The following VPS52 variants were observed in gnomAD, a reference collection of about 807,000 sequenced individuals.
VPS52 encodes the protein VPS52 subunit of GARP complex.
VPS52 carries 56 observed loss-of-function variants against 98.7 expected under a neutral mutation model. The ratio of observed to expected loss-of-function variants is 0.57; its 90% confidence interval spans 0.46 to 0.71. VPS52 has a LOEUF of 0.71. VPS52 is among the 30% of genes least tolerant of loss of function. The pLI is 0.00. For synonymous variants in VPS52, 348 were observed against 346.4 expected (o/e 1.00, Z -0.05); for missense variants, 742 against 925.9 (o/e 0.80, Z 2.58).
At position 33,271,748 on chromosome 6, in the gene VPS52, A is replaced by T; in HGVS notation, c.-73T>A. 1 of 1,522,046 alleles carries T rather than the reference A, an allele frequency of 6.6e-7. No individual in the cohort carries two copies. The highest frequency in any genetic ancestry group is 8.8e-7 in the Non-Finnish European group (1 of 1,132,832). The allele number at this position is 1,522,046 out of a possible 1,614,324, so 94.3% of individuals were successfully genotyped here. A position where few individuals can be genotyped will look rare whatever the true frequency, so the allele number is the denominator to read the frequency against. ...CCCCGGAGTGGAGCTACAAGTCCCA[A>T]AGGGTCTTCCTCAGCGCGAAATCGT... On this transcript the variant is annotated 5_prime_UTR_variant, in exon 1 of 20. It adds an upstream start codon to the 5' untranslated region. Transcript: ENST00000445902.
At chr6:33,253,635 G>C (rs1445410848) in intron 17 of VPS52, among the ~76,000 whole-genome samples, 1 of 151,492 alleles carries the variant, frequency 6.6e-6, no homozygotes, top group Non-Finnish European at 1.5e-5. Flanking sequence ...CACACCTGTA[G>C]TCCCAGTTAC....
At position 33,268,439 on chromosome 6, in the gene VPS52, G is replaced by A. The variant is rs1277553703; in HGVS notation, c.699+60C>T. 5 of 1,537,224 alleles carry A rather than the reference G, an allele frequency of 3.3e-6. No individual in the cohort carries two copies. Among genetic ancestry groups the A allele is most frequent in the Non-Finnish European group, 4.4e-6 (5 of 1,140,154 alleles). ...GTGAGCTCTGCCAAGGAAATCCATA[G>A]TGAAGATCTTGGGAAGGCTGCTTCC... On this transcript the variant is annotated intron_variant, in intron 7 of 19. Coordinates refer to ENST00000445902, the MANE Select transcript of VPS52 (RefSeq NM_022553.6). The surrounding 1 kb of genome is among the most constrained non-coding windows in gnomAD (Gnocchi z 4.0).
chr6:33,266,436 G>T, intron 12 of VPS52, 121 bp downstream of exon 12: 1 of 1,334,734 alleles, frequency 7.5e-7, no homozygotes, highest in South Asian at 1.7e-5. Flanking sequence ...CCCAGCCAAG[G>T]CTTAGACATT....
Position 33,250,817 on chromosome 6 carries a change from G to T in VPS52, c.*24C>A. 6.2e-7 allele frequency: 1 copy of T among 1,604,094 alleles called. No individual in the cohort carries two copies. The highest frequency in any genetic ancestry group is 8.5e-7 in the Non-Finnish European group (1 of 1,173,178). On this transcript the variant is annotated 3_prime_UTR_variant, in exon 20 of 20. Coordinates refer to ENST00000445902, the MANE Select transcript of VPS52 (RefSeq NM_022553.6). Reference sequence around the variant, plus strand: ...CAGAAGTCCATGGAGATGACCGGCAGATCTCAGGGCGGTTTCTGGCACATC... The same window carrying T: ...CAGAAGTCCATGGAGATGACCGGCATATCTCAGGGCGGTTTCTGGCACATC...
chr6:33,256,329 G>C (rs1762951806), intron 17 of VPS52, among the ~76,000 whole-genome samples: 1 of 151,184 alleles, frequency 6.6e-6, no homozygotes. Flanking sequence ...GCCAAGTGTG[G>C]TGCTGTGTGC....
At chr6:33,266,893 A>G (rs1247681999) in intron 11 of VPS52, among the ~76,000 whole-genome samples, 181 bp from the exon 12 acceptor site, 1 of 152,104 alleles carries the variant, frequency 6.6e-6, no homozygotes, top group African/African-American at 2.4e-5. Context: ...GGGGGAACAT[A>G]GGGGTACAAA....
chr6:33,265,743 C>T (rs1764227651), intron 12 of VPS52, among the ~76,000 whole-genome samples: 1 of 151,898 alleles, frequency 6.6e-6, no homozygotes, highest in Non-Finnish European at 1.5e-5. Context: ...GGTTTGAGCA[C>T]CAAGATTTGG....
intron 17 of VPS52, among the ~76,000 whole-genome samples, chr6:33,260,124 A>G (rs1442504728): frequency 6.6e-6 from 1 of 152,248 alleles, no homozygotes; most frequent in Non-Finnish European, 1.5e-5. Flanking sequence ...CTATAGCCAT[A>G]TGCAATAACA....
Position 33,268,192 on chromosome 6 carries a change from C to T in VPS52, c.716G>A (p.Arg239Gln), listed in dbSNP as rs1267902958. The T allele has an allele frequency of 4.3e-6, 7 of 1,613,076 alleles. No homozygotes were observed. Among genetic ancestry groups the T allele is most frequent in the Admixed American group, 3.3e-5 (2 of 60,024 alleles). ...RLRVKAVTKI[R>Q]EFILQKIYSF... Reference sequence around the variant, plus strand: ...ATAAATCTTCTGGAGGATAAACTCTCGGATCTTCGTCACTGCCTAGATGTG... The same window carrying T: ...ATAAATCTTCTGGAGGATAAACTCTTGGATCTTCGTCACTGCCTAGATGTG... The change falls in exon 8 of 20, where the codon CGA (arginine) becomes CAA (glutamine). Residue 239 changes from arginine to glutamine, a missense_variant. By Grantham distance (43) the Arg-to-Gln change is conservative. Around this residue, in one of 2 missense-constraint regions of VPS52, gnomAD observed 590 missense variants for 793.3 expected, o/e 0.74. Transcript: ENST00000445902. This position sits in a 1 kb window ranked among gnomAD's most constrained non-coding sequence, Gnocchi z 4.0.
intron 19 of VPS52, 89 bp downstream of exon 19, chr6:33,251,429 G>A: frequency 1.2e-6 from 1 of 856,698 alleles, no homozygotes. Context: ...AAGACCAAGG[G>A]TCACTTAGAT....
chr6:33,252,839 T>A (rs1232603727), intron 17 of VPS52, among the ~76,000 whole-genome samples: 2 of 152,048 alleles, frequency 1.3e-5, no homozygotes, highest in African/African-American at 4.8e-5. Flanking sequence ...ATCTAGGCAC[T>A]GAAATTGATG....
intron 17 of VPS52, among the ~76,000 whole-genome samples, chr6:33,259,021 T>A (rs111370967): frequency 2.0e-5 from 3 of 152,182 alleles, no homozygotes; most frequent in Non-Finnish European, 4.4e-5. Context: ...TGAGGTACAC[T>A]GACACACAGA....
intron 14 of VPS52, 60 bp downstream of exon 14, chr6:33,264,314 C>T: frequency 6.3e-7 from 1 of 1,598,594 alleles, no homozygotes; most frequent in Non-Finnish European, 8.5e-7. Flanking sequence ...GGCCAACCCC[C>T]ACAATGATGC....
At chr6:33,259,763 T>G (rs989966763) in intron 17 of VPS52, among the ~76,000 whole-genome samples, 1 of 151,928 alleles carries the variant, frequency 6.6e-6, no homozygotes, top group Non-Finnish European at 1.5e-5. Flanking sequence ...GCAGCATCCT[T>G]GGTCTCTAAA....
chr6:33,265,418 T>C (rs767740094), intron 12 of VPS52, among the ~76,000 whole-genome samples: 1 of 151,998 alleles, frequency 6.6e-6, no homozygotes, highest in Non-Finnish European at 1.5e-5. Flanking sequence ...CTAGGCTGGA[T>C]TGTAATGGTA....
In VPS52 at chr6:33,268,394, G is replaced by C; in HGVS notation, c.699+105C>G. On this transcript the variant is annotated intron_variant, in intron 7 of 19. Coordinates refer to ENST00000445902, the MANE Select transcript of VPS52 (RefSeq NM_022553.6). The surrounding 1 kb of genome is among the most constrained non-coding windows in gnomAD (Gnocchi z 4.0). ...GGCTGCCCAGAAAAGGCAGGGTGAA[G>C]TCCCTGGAGACAGGCTACAGTGAGC... 6.9e-7 allele frequency: 1 copy of C among 1,450,974 alleles called. No homozygotes were observed. The highest frequency in any genetic ancestry group is 9.3e-7 in the Non-Finnish European group (1 of 1,070,224). 89.9% of individuals were successfully genotyped at this position (1,450,974 alleles called of 1,614,324 possible).
chr6:33,263,964 G>T (rs752499446), intron 15 of VPS52, 44 bp downstream of exon 15: 16 of 1,612,282 alleles, frequency 9.9e-6, no homozygotes, highest in Non-Finnish European at 1.4e-5. Flanking sequence ...CCACCCACTG[G>T]AAGCAGCCCT....
At chr6:33,271,432 G>A (rs1765058857) in intron 1 of VPS52, 154 bp downstream of exon 1, 2 of 1,105,772 alleles carry the variant, frequency 1.8e-6, no homozygotes, top group Non-Finnish European at 2.7e-6. Flanking sequence ...TCCCGCTCAG[G>A]GTCGGGTCTG....
intron 12 of VPS52, among the ~76,000 whole-genome samples, chr6:33,266,154 C>T (rs2150843093): frequency 6.7e-6 from 1 of 148,490 alleles, no homozygotes; most frequent in Middle Eastern, 3.4e-3. Context: ...GCCACTGCAC[C>T]TGGCTATTTT....
Sources: allele counts gnomAD v4.1 joint callset (sites outside exome capture counted in the v4.1 genomes callset), GRCh38; gene constraint gnomAD v4.1.1; regional missense constraint gnomAD v4.1.1; non-coding constraint Gnocchi (gnomAD v3.1); transcripts MANE v1.5; gene names NCBI Gene and HGNC (gene_info 2026-07-23, HGNC 2026-07-21).